The following MMRN2 variants were observed in gnomAD, a reference collection of about 807,000 sequenced individuals.
MMRN2 encodes the protein multimerin-2.
Under a neutral mutation model 68.8 loss-of-function variants are expected in MMRN2, and 53 were observed. That is an observed-to-expected ratio of 0.77 (90% confidence interval 0.62 to 0.97). The LOEUF is 0.97. Among genes scored for constraint, MMRN2 ranks in the 50% least tolerant of loss-of-function variants. The pLI, the probability that MMRN2 is intolerant of heterozygous loss-of-function variation, is 0.00. For synonymous variants in MMRN2, 564 were observed against 551.6 expected, an observed-to-expected ratio of 1.02 and a Z score of -0.32; for missense variants, 1,266 against 1,259.5, an observed-to-expected ratio of 1.01 and a Z score of -0.08.
chr10:86,942,651 G>T lies in MMRN2; in HGVS notation c.2133C>A (p.Val711=). 6.3e-7 allele frequency: 1 copy of T among 1,597,266 alleles called. No individual in the cohort carries two copies. Among genetic ancestry groups the T allele is most frequent in the Non-Finnish European group, 8.5e-7 (1 of 1,178,466 alleles). The change falls in exon 6 of 7, where the codon GTC becomes GTA. Residue 711 remains valine (V), a synonymous_variant. Coordinates refer to ENST00000372027, the MANE Select transcript of MMRN2 (RefSeq NM_024756.3). ...LQSLSNDVKN[V]GRCCEAEAGA... is the part of the protein sequence containing the mutation. The stretch of plus-strand genomic sequence containing the variant: ...CGGCCTCGGCCTCGCAGCACCGCCC[G>T]ACATTCTTGACGTCGTTGCTCAGGC...
intron 5 of MMRN2, 67 bp from the exon 6 acceptor site, chr10:86,944,195 C>T (rs577472423): frequency 2.8e-5 from 45 of 1,591,220 alleles, no homozygotes; most frequent in African/African-American, 5.4e-5. Context: ...CTGGGACCAG[C>T]GGGGTCCTCC....
At chr10:86,949,499 T>C (rs1039754693) in intron 1 of MMRN2, 1 of 149,666 alleles carries the variant, frequency 6.7e-6, no homozygotes, top group African/African-American at 2.5e-5. Context: ...GAGTTTGAGA[T>C]CAGCCTGGAG....
Position 86,942,844 on chromosome 10 carries a change from C to G in MMRN2, c.1940G>C (p.Gly647Ala). The change falls in exon 6 of 7, where the codon GGG (glycine) becomes GCG (alanine). Residue 647 changes from glycine (G) to alanine (A), a missense_variant. Transcript: ENST00000372027. ...IRVALQDAAS[G>A]LQEQALGWDE... is the part of the protein sequence containing the mutation. ...CCAGCCGAGCGCCTGCTCCTGCAGC[C>G]CGCTAGCGGCGTCCTGCAGGGCCAC... 7.2e-7 allele frequency: 1 copy of G among 1,382,268 alleles called. No homozygotes were observed. The highest frequency in any genetic ancestry group is 9.4e-7 in the Non-Finnish European group (1 of 1,068,882). 85.6% of individuals were successfully genotyped at this position (1,382,268 alleles called of 1,614,324 possible). A position where few individuals can be genotyped will look rare whatever the true frequency, so the allele number is the denominator to read the frequency against.
chr10:86,954,428 G>A (rs927269992), intron 1 of MMRN2, among the ~76,000 whole-genome samples: 1 of 152,254 alleles, frequency 6.6e-6, no homozygotes, highest in Admixed American at 6.5e-5. Flanking sequence ...ATGCGAAGAA[G>A]CTGTGCCTCT....
intron 6 of MMRN2, among the ~76,000 whole-genome samples, chr10:86,939,674 CA>C (rs200005898): frequency 6.6e-6 from 1 of 151,782 alleles, no homozygotes; most frequent in Non-Finnish European, 1.5e-5. Flanking sequence ...GAGAGACCCC[CA>C]CCCCAACCCA....
chr10:86,937,085 C>G lies in MMRN2; in HGVS notation c.2508G>C (p.Thr836=). 6.2e-7 allele frequency: 1 copy of G among 1,614,190 alleles called. No homozygotes were observed. Among genetic ancestry groups the G allele is most frequent in the Non-Finnish European group, 8.5e-7 (1 of 1,180,032 alleles). Residue 836 remains threonine (T), a synonymous_variant, in exon 7 of 7, where the codon ACG becomes ACC. Coordinates refer to ENST00000372027, the MANE Select transcript of MMRN2 (RefSeq NM_024756.3). ...TGAACTTCACTGTCTGCAGGGCAGCCGTCCCTTCTGAAAAGCTGGCATAGA... is the reference window on the plus strand; with the variant it reads ...TGAACTTCACTGTCTGCAGGGCAGCGGTCCCTTCTGAAAAGCTGGCATAGA... ...VAFYASFSEG[T]AALQTVKFNT...
In MMRN2 at chr10:86,936,869, T is replaced by G. The variant is rs1302229669; in HGVS notation, c.2724A>C (p.Ala908=). 6.2e-7 allele frequency: 1 copy of G among 1,614,058 alleles called. No individual in the cohort carries two copies. The highest frequency in any genetic ancestry group is 2.2e-5 in the East Asian group (1 of 44,896). Residue 908 remains alanine (A), a synonymous_variant, in exon 7 of 7, where the codon GCA becomes GCC. Coordinates refer to ENST00000372027, the MANE Select transcript of MMRN2 (RefSeq NM_024756.3). The stretch of plus-strand genomic sequence containing the variant: ...GCAGCTCAGCCATGGCAAAGACCGT[T>G]GCTGTGCTTCCACTCCCCTGCCCAG... ...CTTGQGSGST[A]TVFAMAELQK...
rs766346801 is a variant in MMRN2, at chr10:86,943,221, G to A, written c.1563C>T (p.Ser521=). The change falls in exon 6 of 7, where the codon AGC becomes AGT. Residue 521 remains serine (S), a synonymous_variant. Coordinates refer to ENST00000372027, the MANE Select transcript of MMRN2 (RefSeq NM_024756.3). This position sits in a 1 kb window ranked among gnomAD's most constrained non-coding sequence, Gnocchi z 4.2. ...CGTCCAGCTGCCGCCGCTCGTCCAG[G>A]CTCACCTGGGTCTCCTCCAGGGCAC... ...ATRALEETQV[S]LDERRQLDGS... 3 of 1,610,506 alleles carry A rather than the reference G, an allele frequency of 1.9e-6. No individual in the cohort carries two copies. Among genetic ancestry groups the A allele is most frequent in the Non-Finnish European group, 2.5e-6 (3 of 1,178,034 alleles).
chr10:86,945,782 A>G lies in MMRN2; in HGVS notation c.165-93T>C, dbSNP rs961985451. The G allele has an allele frequency of 2.5e-6, 4 of 1,590,890 alleles. No homozygotes were observed. The African/African-American group carries it at 5.4e-5, about 21-fold the overall frequency. ...GCCACCGGTCCTCGCCTCCTGCCGG[A>G]GCAGTGCTGGGATTCTGGAATCCAT... On this transcript the variant is annotated intron_variant, in intron 1 of 6. Coordinates refer to ENST00000372027, the MANE Select transcript of MMRN2 (RefSeq NM_024756.3).
Position 86,942,594 on chromosome 10 carries a change from AAGGGAGGCGTTG to A in MMRN2, c.2178_2189del (p.Asn727_Leu730del), listed in dbSNP as rs761451220. 1.2e-5 allele frequency: 20 copies of A among 1,608,984 alleles called. No individual in the cohort carries two copies. The highest frequency in any genetic ancestry group is 1.6e-5 in the Non-Finnish European group (19 of 1,179,766). ...CGAAGAGTGCGTTGTGGAGGCCGTGAAGGGAGGCGTTGAGGGAGGCGGCCCCGGCCCCGGCCT... is the reference window on the plus strand; with the variant it reads ...CGAAGAGTGCGTTGTGGAGGCCGTGAAGGGAGGCGGCCCCGGCCCCGGCCT... On this transcript the variant is annotated inframe_deletion, in exon 6 of 7. Coordinates refer to ENST00000372027, the MANE Select transcript of MMRN2 (RefSeq NM_024756.3).
chr10:86,935,566 G>A lies in MMRN2; in HGVS notation c.*1177C>T, dbSNP rs994463816. 4.6e-5 allele frequency: 7 copies of A among 152,118 alleles called. No homozygotes were observed. The highest frequency in any genetic ancestry group is 2.0e-4 in the Admixed American group (3 of 15,266). The allele number at this position is 152,118 out of a possible 1,614,324, so 9.4% of individuals were successfully genotyped here. A position where few individuals can be genotyped will look rare whatever the true frequency, so the allele number is the denominator to read the frequency against. On this transcript the variant is annotated 3_prime_UTR_variant, in exon 7 of 7. Coordinates refer to ENST00000372027, the MANE Select transcript of MMRN2 (RefSeq NM_024756.3). ...TTGAAGGGCATCACTTTATTCCAAA[G>A]TTGATCATTAGTGAGGGGGATTTTT... is the stretch of plus-strand genomic sequence containing the variant.
intron 3 of MMRN2, 32 bp from the exon 4 acceptor site, chr10:86,945,300 G>A (rs754769546): frequency 9.3e-6 from 15 of 1,612,250 alleles, no homozygotes; most frequent in South Asian, 7.7e-5. Flanking sequence ...ATTGACCCCA[G>A]TGGTCAGAGG....
Position 86,942,859 on chromosome 10 carries a change from T to C in MMRN2, c.1925A>G (p.Gln642Arg). The change falls in exon 6 of 7, where the codon CAG becomes CGG. Residue 642 changes from glutamine (Q) to arginine (R), a missense_variant. Physicochemically the swap from Gln to Arg is conservative, Grantham distance 43. Coordinates refer to ENST00000372027, the MANE Select transcript of MMRN2 (RefSeq NM_024756.3). ...LSYEQIRVAL[Q>R]DAASGLQEQA... ...CTCCTGCAGCCCGCTAGCGGCGTCCTGCAGGGCCACGCGGATCTGCTCGTA... is the reference window on the plus strand; with the variant it reads ...CTCCTGCAGCCCGCTAGCGGCGTCCCGCAGGGCCACGCGGATCTGCTCGTA... 2 of 1,406,048 alleles carry C rather than the reference T, an allele frequency of 1.4e-6. No individual in the cohort carries two copies. Among genetic ancestry groups the C allele is most frequent in the South Asian group, 1.6e-5 (1 of 63,352 alleles). The allele number at this position is 1,406,048 out of a possible 1,614,324, so 87.1% of individuals were successfully genotyped here. A position where few individuals can be genotyped will look rare whatever the true frequency, so the allele number is the denominator to read the frequency against.
intron 4 of MMRN2, 84 bp from the exon 5 acceptor site, chr10:86,944,519 G>A (rs570164097): frequency 2.0e-6 from 3 of 1,486,258 alleles, no homozygotes; most frequent in Non-Finnish European, 2.8e-6. Flanking sequence ...AGAGTTGAAG[G>A]CTGAGAGCAG....
At chr10:86,944,515 G>A in intron 4 of MMRN2, 80 bp from the exon 5 acceptor site, 1 of 1,503,886 alleles carries the variant, frequency 6.6e-7, no homozygotes. Context: ...AAGGAGAGTT[G>A]AAGGCTGAGA....
chr10:86,952,249 G>A (rs1844155148), intron 1 of MMRN2, among the ~76,000 whole-genome samples: 1 of 152,162 alleles, frequency 6.6e-6, no homozygotes, highest in Non-Finnish European at 1.5e-5. Flanking sequence ...TCACGATAAG[G>A]ATGGAAGGAA....
chr10:86,951,002 T>C (rs1185563630), intron 1 of MMRN2, among the ~76,000 whole-genome samples: 2 of 152,022 alleles, frequency 1.3e-5, no homozygotes, highest in African/African-American at 2.4e-5. Flanking sequence ...GCAGGATAAT[T>C]GCTTGAATCT....
At chr10:86,937,378 C>CT (rs1843896193) in intron 6 of MMRN2, among the ~76,000 whole-genome samples, 5 of 151,364 alleles carry the variant, frequency 3.3e-5, no homozygotes, top group Middle Eastern at 3.4e-3. Flanking sequence ...AAAATACTTT[C>CT]ATTTTTTTTT....
chr10:86,946,299 C>G (rs1844068403), intron 1 of MMRN2, among the ~76,000 whole-genome samples: 1 of 152,244 alleles, frequency 6.6e-6, no homozygotes, highest in Non-Finnish European at 1.5e-5. Flanking sequence ...GTTCTGTGAA[C>G]ACAGCTCCAC....
Sources: allele counts gnomAD v4.1 joint callset (sites outside exome capture counted in the v4.1 genomes callset), GRCh38; gene constraint gnomAD v4.1.1; non-coding constraint Gnocchi (gnomAD v3.1); transcripts MANE v1.5; gene names NCBI Gene and HGNC (gene_info 2026-07-23, HGNC 2026-07-21).